The following XYLT1 variants were observed in gnomAD, a reference collection of about 807,000 sequenced individuals.
XYLT1 encodes the protein beta-D-xylosyltransferase 1.
Under a neutral mutation model 91.3 loss-of-function variants are expected in XYLT1, and 36 were observed. The ratio of observed to expected loss-of-function variants is 0.39; its 90% confidence interval spans 0.30 to 0.52. The LOEUF (loss-of-function observed/expected upper bound fraction) is 0.52. Ranked by LOEUF, XYLT1 falls within the 20% of genes least tolerant of loss-of-function variation. The pLI is 0.68. For synonymous variants in XYLT1, 588 were observed against 532.0 expected (o/e 1.11, Z -1.45); for missense variants, 1,242 against 1,284.5 (o/e 0.97, Z 0.51).
At chr16:17,252,303 T>C (rs969102570) in intron 3 of XYLT1, among the ~76,000 whole-genome samples, 10 of 152,174 alleles carry the variant, frequency 6.6e-5, no homozygotes, top group African/African-American at 2.4e-4. Context: ...GTTAGGGTTA[T>C]GTCATGAGTA....
chr16:17,452,305 C>CTTTTTTTTT (rs35177574), intron 1 of XYLT1, among the ~76,000 whole-genome samples: 16 of 131,674 alleles, frequency 1.2e-4, no homozygotes, highest in South Asian at 2.4e-4. Flanking sequence ...CAGTTTTTTT[C>CTTTTTTTTT]TTTTTTTTTT....
At chr16:17,189,901 C>T (rs923734121) in intron 5 of XYLT1, among the ~76,000 whole-genome samples, 1 of 152,094 alleles carries the variant, frequency 6.6e-6, no homozygotes, top group South Asian at 2.1e-4. Context: ...ACAAAATTAG[C>T]CAGGTGTGGT....
intron 5 of XYLT1, 145 bp from the exon 6 acceptor site, chr16:17,159,054 A>G: frequency 1.5e-6 from 1 of 680,308 alleles, no homozygotes; most frequent in Non-Finnish European, 2.6e-6. Flanking sequence ...CATCCTCTTT[A>G]TATCGCCATT....
intron 2 of XYLT1, among the ~76,000 whole-genome samples, chr16:17,336,559 GATGCAGGTGTGGGTGTGC>G (rs2034981870): frequency 6.6e-6 from 1 of 152,192 alleles, no homozygotes. Context: ...TGCGTGTACA[GATGCAGGTGTGGGTGTGC>G]ATGCATGTGT....
At chr16:17,253,618 T>G (rs1326610416) in intron 3 of XYLT1, among the ~76,000 whole-genome samples, 2 of 152,112 alleles carry the variant, frequency 1.3e-5, no homozygotes, top group East Asian at 3.9e-4. Context: ...AAGCTAAGTG[T>G]GATGATGCTC....
intron 1 of XYLT1, among the ~76,000 whole-genome samples, chr16:17,409,411 G>T (rs1325307404): frequency 6.6e-6 from 1 of 152,120 alleles, no homozygotes. Flanking sequence ...TTTCAGCAAT[G>T]ATGTGCATAA....
chr16:17,446,975 C>G (rs987711084), intron 1 of XYLT1, among the ~76,000 whole-genome samples: 3 of 151,920 alleles, frequency 2.0e-5, no homozygotes, highest in African/African-American at 7.3e-5. Flanking sequence ...TCATCCCTGT[C>G]TACTCTCCCA....
At chr16:17,429,849 A>G (rs1381904857) in intron 1 of XYLT1, among the ~76,000 whole-genome samples, 1 of 151,888 alleles carries the variant, frequency 6.6e-6, no homozygotes, top group Non-Finnish European at 1.5e-5. Flanking sequence ...TTTCATGACC[A>G]GCTTTCCTGG....
chr16:17,166,916 A>C (rs2031699051), intron 5 of XYLT1, among the ~76,000 whole-genome samples: 1 of 152,192 alleles, frequency 6.6e-6, no homozygotes, highest in South Asian at 2.1e-4. Flanking sequence ...ATTTGGGGGA[A>C]GGAATCCCAG....
intron 5 of XYLT1, among the ~76,000 whole-genome samples, chr16:17,191,826 T>C (rs1353357527): frequency 1.3e-5 from 2 of 152,368 alleles, no homozygotes; most frequent in South Asian, 2.1e-4. Flanking sequence ...CATGTCCATG[T>C]GGTGGGCCCT....
intron 3 of XYLT1, among the ~76,000 whole-genome samples, chr16:17,226,095 T>A (rs112002004): frequency 6.6e-6 from 1 of 152,310 alleles, no homozygotes; most frequent in African/African-American, 2.4e-5. Context: ...AGAACTATTA[T>A]CCTTGGAGGC....
In XYLT1 at chr16:17,309,178, G is replaced by A. The variant is rs78533018; in HGVS notation, c.402+48834C>T. On this transcript the variant is annotated intron_variant, in intron 2 of 11. Coordinates refer to ENST00000261381, the MANE Select transcript of XYLT1 (RefSeq NM_022166.4). ...CTGACATTTTGGGCTGGATCATTCC[G>A]TCTTGGGTGAGTGCTGTCCTATGCA... 5.0e-3 allele frequency among the ~76,000 whole-genome samples: 759 copies of A among 152,164 alleles called. 6 individuals are homozygous for A. The highest frequency in any genetic ancestry group is 0.017 in the African/African-American group (718 of 41,504).
intron 1 of XYLT1, among the ~76,000 whole-genome samples, chr16:17,416,658 C>A (rs1346617323): frequency 6.6e-6 from 1 of 152,056 alleles, no homozygotes; most frequent in African/African-American, 2.4e-5. Flanking sequence ...CAGCCTTTAC[C>A]CTCCCCAGCT....
intron 10 of XYLT1, among the ~76,000 whole-genome samples, chr16:17,120,436 A>G (rs781464372): frequency 1.6e-4 from 24 of 151,782 alleles, no homozygotes; most frequent in Non-Finnish European, 2.4e-4. Context: ...GGTTATTCCC[A>G]GCACCTCATC....
intron 3 of XYLT1, among the ~76,000 whole-genome samples, chr16:17,228,708 C>T (rs1485780348): frequency 6.6e-6 from 1 of 152,116 alleles, no homozygotes; most frequent in African/African-American, 2.4e-5. Flanking sequence ...CTCCTCCGGA[C>T]CTGTGTGTGA....
chr16:17,185,609 T>C (rs890692105), intron 5 of XYLT1, among the ~76,000 whole-genome samples: 1 of 152,256 alleles, frequency 6.6e-6, no homozygotes, highest in African/African-American at 2.4e-5. Flanking sequence ...CTATTTATTT[T>C]TCTAACTATG....
At chr16:17,138,616 T>C (rs2030858185) in intron 7 of XYLT1, 85 bp from the exon 8 acceptor site, 1 of 1,495,224 alleles carries the variant, frequency 6.7e-7, no homozygotes, top group East Asian at 2.3e-5. Flanking sequence ...ACCCTTGCTC[T>C]GAGTTCATGT....
At chr16:17,209,072 C>T (rs1235859132) in intron 3 of XYLT1, among the ~76,000 whole-genome samples, 1 of 152,166 alleles carries the variant, frequency 6.6e-6, no homozygotes, top group African/African-American at 2.4e-5. Context: ...AATATACTTA[C>T]ACTGTTGTGC....
At chr16:17,202,922 C>T (rs1011432405) in intron 3 of XYLT1, among the ~76,000 whole-genome samples, 3 of 151,982 alleles carry the variant, frequency 2.0e-5, no homozygotes, top group Non-Finnish European at 4.4e-5. Context: ...ATAACAATAC[C>T]TTTTATTGAG....
Sources: allele counts gnomAD v4.1 joint callset (sites outside exome capture counted in the v4.1 genomes callset), GRCh38; gene constraint gnomAD v4.1.1; transcripts MANE v1.5; gene names NCBI Gene and HGNC (gene_info 2026-07-23, HGNC 2026-07-21).